Variants in FRMPD1 observed in about 807,000 individuals in gnomAD.
The protein encoded by FRMPD1 is FERM and PDZ domain-containing protein 1.
Under a neutral mutation model 117.8 loss-of-function variants are expected in FRMPD1, and 76 were observed. The ratio of observed to expected loss-of-function variants is 0.65; its 90% CI spans 0.54 to 0.78. The LOEUF (loss-of-function observed/expected upper bound fraction) is 0.78. Ranked by LOEUF, FRMPD1 falls within the 30% of genes least tolerant of loss-of-function variation. FRMPD1 has a pLI of 0.00. For missense variants in FRMPD1, 1,786 were observed against 1,964.5 expected, an observed-to-expected ratio of 0.91 and a Z score of 1.72; for synonymous variants, 783 against 770.4, an observed-to-expected ratio of 1.02 and a Z score of -0.27.
the FRMPD1 span, among the ~76,000 whole-genome samples, chr9:37,621,944 T>A: frequency 6.6e-6 from 1 of 152,148 alleles, no homozygotes. Flanking sequence ...GGAAGTCAGT[T>A]TGACACAACT....
chr9:37,733,349 G>A, intron 10 of FRMPD1, 124 bp from the exon 11 acceptor site: 1 of 885,328 alleles, frequency 1.1e-6, no homozygotes, highest in Non-Finnish European at 1.8e-6. Flanking sequence ...GAGAGGAGGA[G>A]AAAGTGGCTC....
rs1034446265 is a variant in FRMPD1 at position 37,733,688 on chromosome 9, A to C, written c.1123-42A>C. 5.7e-6 allele frequency: 9 copies of C among 1,583,976 alleles called. No homozygotes were observed. In the South Asian group the frequency reaches 9.9e-5, roughly 18 times the overall value. ...TCAACACTGCCTGGATTTTAGACCAATGAATAACTCTGACTTCAAGTGTTT... is the reference window on the plus strand; with the variant it reads ...TCAACACTGCCTGGATTTTAGACCACTGAATAACTCTGACTTCAAGTGTTT... On this transcript the variant is annotated intron_variant, in intron 11 of 15. Coordinates refer to ENST00000377765, the MANE Select transcript of FRMPD1 (RefSeq NM_014907.3).
Position 37,744,733 on chromosome 9 carries a change from G to A in FRMPD1, c.2701G>A (p.Ala901Thr). 3 of 1,614,000 alleles carry A rather than the reference G, an allele frequency of 1.9e-6. No individual in the cohort carries two copies. In the South Asian group the frequency reaches 3.3e-5, roughly 18 times the overall value. The change falls in exon 16 of 16, where the codon GCC (alanine) becomes ACC (threonine). Residue 901 changes from alanine to threonine, a missense_variant. Ala to Thr is a moderately conservative substitution (Grantham distance 58, BLOSUM62 0). Coordinates refer to ENST00000377765, the MANE Select transcript of FRMPD1 (RefSeq NM_014907.3). The part of the protein sequence containing the change: ...QGEPGLLETK[A>T]LGLLAPLRET... ...TGAGCCTGGCCTTCTGGAGACCAAGGCCTTGGGGCTGCTGGCTCCTCTGAG... is the reference window on the plus strand; with the variant it reads ...TGAGCCTGGCCTTCTGGAGACCAAGACCTTGGGGCTGCTGGCTCCTCTGAG...
upstream of FRMPD1, among the ~76,000 whole-genome samples, chr9:37,647,368 C>T (rs901227417): frequency 2.0e-5 from 3 of 151,810 alleles, no homozygotes; most frequent in Non-Finnish European, 2.9e-5. Flanking sequence ...AAAAATTAAC[C>T]GGGCGGGGTG....
chr9:37,746,575 G>A lies in FRMPD1; in HGVS notation c.4543G>A (p.Ala1515Thr), dbSNP rs199899015. Residue 1515 changes from alanine (A) to threonine (T), a missense_variant, in exon 16 of 16, where the codon GCC (alanine) becomes ACC (threonine). Transcript: ENST00000377765. Reference sequence around the variant, plus strand: ...GTTCACAGACTGTAGCCGCTGCTCCGCCCGGCACAGGGAGGCAGCGGGGAA... The same window carrying A: ...GTTCACAGACTGTAGCCGCTGCTCCACCCGGCACAGGGAGGCAGCGGGGAA... The part of the protein sequence containing the change: ...FQFTDCSRCS[A>T]RHREAAGNLR... 6.5e-5 allele frequency: 105 copies of A among 1,613,738 alleles called. No homozygotes were observed. In the Admixed American group the frequency reaches 8.5e-4, roughly 13 times the overall value.
At chr9:37,666,273 C>T (rs1821157653) in intron 1 of FRMPD1, among the ~76,000 whole-genome samples, 1 of 152,142 alleles carries the variant, frequency 6.6e-6, no homozygotes, top group African/African-American at 2.4e-5. Flanking sequence ...GCCCCACTAA[C>T]ACTTATTGAG....
At chr9:37,641,531 T>A in the FRMPD1 span, among the ~76,000 whole-genome samples, 6 of 152,370 alleles carry the variant, frequency 3.9e-5, no homozygotes, top group African/African-American at 1.4e-4. Context: ...GCATTCAAGC[T>A]ACCTCTGGCT....
chr9:37,745,565 C>A lies in FRMPD1; in HGVS notation c.3533C>A (p.Pro1178His). The change falls in exon 16 of 16, where the codon CCT (proline) becomes CAT (histidine). Residue 1178 changes from proline to histidine, a missense_variant. Coordinates refer to ENST00000377765, the MANE Select transcript of FRMPD1 (RefSeq NM_014907.3). Reference protein sequence around the residue: ...TGTEQIPPHPPRDPQGQSREP... With the variant: ...TGTEQIPPHPHRDPQGQSREP... ...ACCGAGCAGATCCCACCACATCCCC[C>A]TAGAGACCCTCAAGGACAGAGCAGA... The A allele has an allele frequency of 6.2e-7, 1 of 1,614,004 alleles. No individual in the cohort carries two copies. Among genetic ancestry groups the A allele is most frequent in the Non-Finnish European group, 8.5e-7 (1 of 1,179,906 alleles).
the FRMPD1 span, among the ~76,000 whole-genome samples, chr9:37,639,196 G>C: frequency 6.6e-6 from 1 of 152,176 alleles, no homozygotes; most frequent in African/African-American, 2.4e-5. Flanking sequence ...CTTGGATCAG[G>C]TTGGACACAT....
At position 37,744,786 on chromosome 9, in the gene FRMPD1, C is replaced by T. The variant is rs760671821; in HGVS notation, c.2754C>T (p.Ser918=). ...AGACCAAGAGCACAAACCCAGCCTC[C>T]AGGGTCATGGAGATGGAGCCCGAGA... The part of the protein sequence containing the change: ...LRETKSTNPA[S]RVMEMEPETM... Residue 918 remains serine, a synonymous_variant, in exon 16 of 16, where the codon TCC becomes TCT. Coordinates refer to ENST00000377765, the MANE Select transcript of FRMPD1 (RefSeq NM_014907.3). 1.2e-6 allele frequency: 2 copies of T among 1,614,172 alleles called. No individual in the cohort carries two copies. The highest frequency in any genetic ancestry group is 3.3e-5 in the Admixed American group (2 of 60,018).
chr9:37,655,903 G>C (rs1463813837), intron 1 of FRMPD1, among the ~76,000 whole-genome samples: 1 of 152,080 alleles, frequency 6.6e-6, no homozygotes, highest in Non-Finnish European at 1.5e-5. Context: ...TCCTGCCTAT[G>C]CCTGAAGGCT....
At chr9:37,675,738 C>A (rs1044655488) in intron 1 of FRMPD1, among the ~76,000 whole-genome samples, 11 of 152,188 alleles carry the variant, frequency 7.2e-5, no homozygotes, top group Non-Finnish European at 1.5e-4. Flanking sequence ...GAATTATGAA[C>A]TTGGAGGTGG....
intron 2 of FRMPD1, among the ~76,000 whole-genome samples, chr9:37,693,888 C>T (rs1822232432): frequency 6.6e-6 from 1 of 152,188 alleles, no homozygotes; most frequent in Non-Finnish European, 1.5e-5. Flanking sequence ...GCTGGGTCTT[C>T]CATGAAGCCT....
intron 1 of FRMPD1, among the ~76,000 whole-genome samples, chr9:37,691,801 G>A (rs1822148199): frequency 6.6e-6 from 1 of 152,220 alleles, no homozygotes; most frequent in Admixed American, 6.5e-5. Flanking sequence ...CTACTCGGGA[G>A]GCTGAGGAGG....
chr9:37,740,368 G>T lies in FRMPD1; in HGVS notation c.1840G>T (p.Glu614Ter). 2 of 1,613,820 alleles carry T rather than the reference G, an allele frequency of 1.2e-6. No individual in the cohort carries two copies. Among genetic ancestry groups the T allele is most frequent in the Non-Finnish European group, 1.7e-6 (2 of 1,180,004 alleles). Reference protein sequence around the residue: ...GSSESMDALEEDDLDTCSSSR... With the variant: ...GSSESMDALE ...GAGTGAGTCCATGGACGCTCTGGAAGAGGATGACTTAGACACCTGCTCCTC... is the reference window on the plus strand; with the variant it reads ...GAGTGAGTCCATGGACGCTCTGGAATAGGATGACTTAGACACCTGCTCCTC... The change falls in exon 15 of 16, where the codon GAG (glutamate) becomes TAG (stop). Residue 614 changes from glutamate to a stop codon, truncating the protein, a stop_gained. Transcript: ENST00000377765. LOFTEE classifies it high-confidence loss of function. The surrounding 1 kb of genome is among the most constrained non-coding windows in gnomAD (Gnocchi z 4.2).
chr9:37,683,901 A>G (rs34434761), intron 1 of FRMPD1, among the ~76,000 whole-genome samples: 270 of 118,268 alleles, frequency 2.3e-3, no homozygotes, highest in East Asian at 0.011. Context: ...TGGGGGGAAC[A>G]ACAGGTAATA....
chr9:37,724,385 G>C (rs1264870269), intron 7 of FRMPD1, 65 bp downstream of exon 7: 2 of 846,796 alleles, frequency 2.4e-6, no homozygotes, highest in African/African-American at 1.7e-5. Flanking sequence ...GACCCCCCAG[G>C]CATCTTGCCC....
At chr9:37,622,996 GATAAA>G in the FRMPD1 span, among the ~76,000 whole-genome samples, 1 of 151,866 alleles carries the variant, frequency 6.6e-6, no homozygotes, top group African/African-American at 2.4e-5. Flanking sequence ...AATGACATAT[GATAAA>G]ATAATATATA....
the FRMPD1 span, among the ~76,000 whole-genome samples, chr9:37,636,523 G>A: frequency 2.0e-5 from 3 of 152,252 alleles, no homozygotes; most frequent in East Asian, 5.8e-4. Context: ...ACAGAATAGC[G>A]GCTCGGGGCA....
Sources: allele counts gnomAD v4.1 joint callset (sites outside exome capture counted in the v4.1 genomes callset), GRCh38; gene constraint gnomAD v4.1.1; non-coding constraint Gnocchi (gnomAD v3.1); transcripts MANE v1.5; gene names NCBI Gene and HGNC (gene_info 2026-07-23, HGNC 2026-07-21).